TMPRSS11E: variants seen among roughly 807,000 people sequenced by gnomAD.
TMPRSS11E encodes transmembrane protease serine 11E.
Under a neutral mutation model 48.1 loss-of-function variants are expected in TMPRSS11E, and 38 were observed. That is an observed-to-expected ratio of 0.79 (90% confidence interval 0.61 to 1.04). The LOEUF (loss-of-function observed/expected upper bound fraction) is 1.04, where lower values mean the gene tolerates loss of function less well. Ranked by LOEUF, TMPRSS11E falls within the 50% of genes least tolerant of loss-of-function variation. The pLI, the probability that TMPRSS11E is intolerant of heterozygous loss-of-function variation, is 0.00. For synonymous variants in TMPRSS11E, 158 were observed against 171.9 expected (o/e 0.92, Z 0.63); for missense variants, 530 against 510.8 (o/e 1.04, Z -0.36).
intron 1 of TMPRSS11E, among the ~76,000 whole-genome samples, chr4:68,450,311 T>C (rs1315305769): frequency 6.6e-6 from 1 of 151,950 alleles, no homozygotes; most frequent in South Asian, 2.1e-4. Flanking sequence ...TGCAATTTCA[T>C]TAAATTTTGG....
At chr4:68,495,013 T>A (rs1729828157) in intron 9 of TMPRSS11E, among the ~76,000 whole-genome samples, 1 of 151,946 alleles carries the variant, frequency 6.6e-6, no homozygotes, top group African/African-American at 2.4e-5. Flanking sequence ...GTTGAAAGGG[T>A]TTTCCTTTTC....
chr4:68,452,779 T>G, intron 1 of TMPRSS11E, among the ~76,000 whole-genome samples: 1 of 152,104 alleles, frequency 6.6e-6, no homozygotes, highest in South Asian at 2.1e-4. Context: ...ACCAATCTTT[T>G]AATTATATAG....
rs369667862 is a variant in TMPRSS11E at position 68,478,816 on chromosome 4, G to A, written c.968-33G>A. On this transcript the variant is annotated intron_variant, in intron 8 of 9. Transcript: ENST00000305363. ...CTTCAAGTTTATAAAATATATGTATGTCTACAAATACAAAGACTTTTTTTT... is the reference window on the plus strand; with the variant it reads ...CTTCAAGTTTATAAAATATATGTATATCTACAAATACAAAGACTTTTTTTT... 10 of 1,605,890 alleles carry A rather than the reference G, an allele frequency of 6.2e-6. No individual in the cohort carries two copies. The African/African-American group carries it at 1.1e-4, about 17-fold the overall frequency.
intron 2 of TMPRSS11E, among the ~76,000 whole-genome samples, chr4:68,462,148 C>T (rs774714642): frequency 1.3e-5 from 2 of 152,114 alleles, no homozygotes; most frequent in Non-Finnish European, 2.9e-5. Context: ...TGTAGTGATG[C>T]TTTCTGCTGG....
chr4:68,482,590 CAAAAAA>C (rs371144994), intron 9 of TMPRSS11E, among the ~76,000 whole-genome samples: 10 of 106,074 alleles, frequency 9.4e-5, no homozygotes, highest in African/African-American at 1.6e-4. Context: ...TGCATCTCCA[CAAAAAA>C]AAAAAAAAAA....
chr4:68,478,691 G>A (rs988805541), intron 8 of TMPRSS11E, among the ~76,000 whole-genome samples, 158 bp from the exon 9 acceptor site: 2 of 152,016 alleles, frequency 1.3e-5, no homozygotes, highest in African/African-American at 2.4e-5. Flanking sequence ...CTGGCTTCAA[G>A]CGATCCTCCA....
intron 1 of TMPRSS11E, among the ~76,000 whole-genome samples, chr4:68,459,585 T>C (rs920780284): frequency 1.3e-5 from 2 of 152,178 alleles, no homozygotes; most frequent in Non-Finnish European, 2.9e-5. Flanking sequence ...AATTGAAACT[T>C]ATCATTAACC....
At chr4:68,479,236 C>A (rs920312651) in intron 9 of TMPRSS11E, among the ~76,000 whole-genome samples, 1 of 152,054 alleles carries the variant, frequency 6.6e-6, no homozygotes, top group African/African-American at 2.4e-5. Context: ...GTAACCACCA[C>A]TACAGTTAAG....
At position 68,471,440 on chromosome 4, in the gene TMPRSS11E, T is replaced by C; in HGVS notation, c.327-20T>C. 1 of 1,370,466 alleles carries C rather than the reference T, an allele frequency of 7.3e-7. No homozygotes were observed. The allele number at this position is 1,370,466 out of a possible 1,614,324, so 84.9% of individuals were successfully genotyped here. Reference sequence around the variant, plus strand: ...TTCTTTTCTTTTCTTTCTTTCATTTTCTTCTTTTTTGGCCCACAGTCAACA... The same window carrying C: ...TTCTTTTCTTTTCTTTCTTTCATTTCCTTCTTTTTTGGCCCACAGTCAACA... On this transcript the variant is annotated intron_variant, in intron 4 of 9. Coordinates refer to ENST00000305363, the MANE Select transcript of TMPRSS11E (RefSeq NM_014058.4).
intron 9 of TMPRSS11E, among the ~76,000 whole-genome samples, chr4:68,491,092 G>C (rs1161013970): frequency 2.0e-5 from 3 of 151,730 alleles, no homozygotes; most frequent in Admixed American, 1.3e-4. Context: ...AATCTAGTAG[G>C]GAATTGGGCC....
chr4:68,476,621 GA>G (rs2109697447), intron 7 of TMPRSS11E, among the ~76,000 whole-genome samples, 183 bp downstream of exon 7: 1 of 152,320 alleles, frequency 6.6e-6, no homozygotes, highest in Admixed American at 6.5e-5. Flanking sequence ...AATGGAAATG[GA>G]GTCAAAGTAT....
At chr4:68,449,830 G>T (rs36030967) in intron 1 of TMPRSS11E, among the ~76,000 whole-genome samples, 95,205 of 151,616 alleles carry the variant, frequency 0.63, 31,578 homozygotes, top group Non-Finnish European at 0.75. Context: ...AATTACATCT[G>T]AATGGGAGGT....
At chr4:68,492,378 TACC>T (rs1729751092) in intron 9 of TMPRSS11E, among the ~76,000 whole-genome samples, 1 of 152,218 alleles carries the variant, frequency 6.6e-6, no homozygotes, top group Non-Finnish European at 1.5e-5. Flanking sequence ...AGCATATTCT[TACC>T]TGAGGTTGAA....
At chr4:68,448,053 C>T (rs1354966910) in intron 1 of TMPRSS11E, among the ~76,000 whole-genome samples, 1 of 151,926 alleles carries the variant, frequency 6.6e-6, no homozygotes, top group Non-Finnish European at 1.5e-5. Context: ...AATAAATCCA[C>T]TGATATGCCT....
At position 68,487,697 on chromosome 4, in the gene TMPRSS11E, A is replaced by G. The variant is rs372924890; in HGVS notation, c.1110+8706A>G. ...CTTATGAAGCTTAGTTTGGCTGGAT[A>G]TGAAATTCTTGATTGGAATTTTTTT... On this transcript the variant is annotated intron_variant, in intron 9 of 9. Transcript: ENST00000305363. Among the ~76,000 whole-genome samples, 97 of 152,196 alleles carry G rather than the reference A, an allele frequency of 6.4e-4. No individual in the cohort carries two copies. In the South Asian group the frequency reaches 0.019, roughly 30 times the overall value.
At chr4:68,463,179 G>A (rs914072907) in intron 2 of TMPRSS11E, among the ~76,000 whole-genome samples, 1 of 152,156 alleles carries the variant, frequency 6.6e-6, no homozygotes, top group African/African-American at 2.4e-5. Context: ...ACAAAGCAAG[G>A]TGGATCATTT....
At chr4:68,463,347 G>A (rs1007907513) in intron 2 of TMPRSS11E, among the ~76,000 whole-genome samples, 1 of 151,966 alleles carries the variant, frequency 6.6e-6, no homozygotes, top group African/African-American at 2.4e-5. Context: ...CTGTTCCCAG[G>A]CTGGAGTGCA....
chr4:68,492,690 C>G (rs1729763406), intron 9 of TMPRSS11E, among the ~76,000 whole-genome samples: 1 of 152,136 alleles, frequency 6.6e-6, no homozygotes. Flanking sequence ...AACAGAAACA[C>G]ACACGAAATC....
chr4:68,476,738 A>G (rs1039869175), intron 7 of TMPRSS11E, among the ~76,000 whole-genome samples: 20 of 152,334 alleles, frequency 1.3e-4, no homozygotes, highest in Non-Finnish European at 2.4e-4. Context: ...GGAGTGCTCT[A>G]TCTCTGCTGA....
Sources: gnomAD v4.1 joint callset for allele counts (sites outside exome capture counted in the v4.1 genomes callset) on GRCh38, gnomAD v4.1.1 for gene constraint, MANE v1.5 for transcripts, NCBI Gene and HGNC (gene_info 2026-07-23, HGNC 2026-07-21) for gene names.